The following BAHCC1 variants were observed in gnomAD, a reference collection of about 807,000 sequenced individuals.
BAHCC1 encodes the protein BAH and coiled-coil domain-containing protein 1.
Under a neutral mutation model 88.2 loss-of-function variants are expected in BAHCC1, and 43 were observed. The observed-to-expected ratio is 0.49, with a 90% CI of 0.38 to 0.63. The LOEUF is 0.63. Ranked by LOEUF, BAHCC1 falls within the 20% of genes least tolerant of loss-of-function variation. BAHCC1 has a pLI of 0.00. For synonymous variants in BAHCC1, 1,510 were observed against 745.5 expected (o/e 2.03, Z -16.71); for missense variants, 3,023 against 1,654.8 (o/e 1.83, Z -14.34).
intron 27 of BAHCC1, among the ~76,000 whole-genome samples, chr17:81,463,330 A>C (rs965814078): frequency 6.6e-6 from 1 of 152,188 alleles, no homozygotes. Context: ...CTCTGAGAAG[A>C]AGCCATTTTC....
intron 14 of BAHCC1, among the ~76,000 whole-genome samples, chr17:81,454,144 G>T (rs2064699847): frequency 6.6e-6 from 1 of 152,236 alleles, no homozygotes; most frequent in South Asian, 2.1e-4. Flanking sequence ...CCAAGAACAG[G>T]CAGAGAGACT....
In BAHCC1 at chr17:81,447,224, G is replaced by A. The variant is rs782388770; in HGVS notation, c.3352G>A (p.Gly1118Arg). 3.1e-5 allele frequency: 23 copies of A among 738,252 alleles called. No individual in the cohort carries two copies. Among genetic ancestry groups the A allele is most frequent in the South Asian group, 2.5e-4 (17 of 67,864 alleles). The allele number at this position is 738,252 out of a possible 1,614,324, so 45.7% of individuals were successfully genotyped here. A position where few individuals can be genotyped will look rare whatever the true frequency, so the allele number is the denominator to read the frequency against. Residue 1118 changes from glycine (G) to arginine (R), a missense_variant, in exon 11 of 28, where the codon GGG becomes AGG. Gly to Arg is a moderately radical substitution (Grantham distance 125, BLOSUM62 -2). Coordinates refer to ENST00000675386, the MANE Select transcript of BAHCC1 (RefSeq NM_001377448.1). Reference sequence around the variant, plus strand: ...CAGCCCCAGGAGCCTGGAGGAGCCCGGGCTGCTCTCAGGGGCCAGGGAGGC... The same window carrying A: ...CAGCCCCAGGAGCCTGGAGGAGCCCAGGCTGCTCTCAGGGGCCAGGGAGGC... ...PCSPRSLEEPGLLSGAREATQ... is the reference protein window; with the variant it reads ...PCSPRSLEEPRLLSGAREATQ...
At position 81,433,188 on chromosome 17, in the gene BAHCC1, G is replaced by T. The variant is rs568397983; in HGVS notation, c.359-5182G>T. On this transcript the variant is annotated intron_variant, in intron 3 of 27. Transcript: ENST00000675386. ...GGGGCCCCAAGGATTGGGCACTCCAGCTCCAAGAACGAATCTCTTGCTGTG... is the reference window on the plus strand; with the variant it reads ...GGGGCCCCAAGGATTGGGCACTCCATCTCCAAGAACGAATCTCTTGCTGTG... 4.7e-4 allele frequency among the ~76,000 whole-genome samples: 71 copies of T among 152,000 alleles called. No homozygotes were observed. In the Middle Eastern group the frequency reaches 0.01, roughly 22 times the overall value.
rs1185862004 is a variant in BAHCC1 at position 81,463,877 on chromosome 17, C to T, written c.*60C>T. The T allele has an allele frequency of 7.2e-6, 5 of 691,550 alleles. No individual in the cohort carries two copies. Among genetic ancestry groups the T allele is most frequent in the African/African-American group, 5.3e-5 (3 of 56,914 alleles). The allele number at this position is 691,550 out of a possible 1,614,324, so 42.8% of individuals were successfully genotyped here. A position where few individuals can be genotyped will look rare whatever the true frequency, so the allele number is the denominator to read the frequency against. On this transcript the variant is annotated 3_prime_UTR_variant, in exon 28 of 28. Coordinates refer to ENST00000675386, the MANE Select transcript of BAHCC1 (RefSeq NM_001377448.1). Reference sequence around the variant, plus strand: ...GGACCCTGTGTGCGGAGCCTGGCGTCGGCCAAGCCACCGGGCAGGAGGCAG... The same window carrying T: ...GGACCCTGTGTGCGGAGCCTGGCGTTGGCCAAGCCACCGGGCAGGAGGCAG...
intron 1 of BAHCC1, among the ~76,000 whole-genome samples, chr17:81,398,906 T>G (rs2063774014): frequency 2.8e-5 from 4 of 141,484 alleles, no homozygotes; most frequent in Non-Finnish European, 3.1e-5. Flanking sequence ...ATGAGGGGGA[T>G]GGGAGTGGGG....
rs781964927 is a variant in BAHCC1, at chr17:81,443,418, A to T, written c.2069A>T (p.Asp690Val). Residue 690 changes from aspartate to valine, a missense_variant, in exon 5 of 28, where the codon GAC becomes GTC. Physicochemically the swap from Asp to Val is radical, Grantham distance 152 (BLOSUM62 -3). Transcript: ENST00000675386. Reference protein sequence around the residue: ...RPDCARSREHDTTHGDGEVRQ... With the variant: ...RPDCARSREHVTTHGDGEVRQ... ...GACTGTGCCCGCAGCAGGGAGCACG[A>T]CACCACGCACGGCGACGGGGAGGTG... is the stretch of plus-strand genomic sequence containing the variant. The T allele has an allele frequency of 1.3e-6, 1 of 767,184 alleles. No homozygotes were observed. The highest frequency in any genetic ancestry group is 2.4e-6 in the Non-Finnish European group (1 of 412,228). The allele number at this position is 767,184 out of a possible 1,614,324, so 47.5% of individuals were successfully genotyped here.
intron 11 of BAHCC1, among the ~76,000 whole-genome samples, chr17:81,449,192 A>G (rs895259958): frequency 3.3e-5 from 5 of 152,258 alleles, no homozygotes; most frequent in African/African-American, 7.2e-5. Flanking sequence ...CACTCCGGCC[A>G]GGCCAGGTGT....
intron 1 of BAHCC1, among the ~76,000 whole-genome samples, chr17:81,397,817 A>T (rs953607469): frequency 6.6e-6 from 1 of 152,224 alleles, no homozygotes; most frequent in African/African-American, 2.4e-5. Context: ...ACGCCTTTGT[A>T]TGTAGTTGCC....
chr17:81,418,810 C>CGTGTGTGTGT (rs70938163), intron 2 of BAHCC1, among the ~76,000 whole-genome samples: 4,517 of 146,326 alleles, frequency 0.031, 130 homozygotes, highest in African/African-American at 0.078. Flanking sequence ...TGTGTGTGTA[C>CGTGTGTGTGT]GTGTGTGTGT....
In BAHCC1 at chr17:81,452,042, G is replaced by A. The variant is rs1197830140; in HGVS notation, c.4251G>A (p.Glu1417=). Residue 1417 remains glutamate (E), a synonymous_variant, in exon 13 of 28, where the codon GAG becomes GAA. Transcript: ENST00000675386. ...TGGGGATGCGCGTGCGGCTGGCGGAGCTGCAGCGGCGCTACAAGGAGAAGC... is the reference window on the plus strand; with the variant it reads ...TGGGGATGCGCGTGCGGCTGGCGGAACTGCAGCGGCGCTACAAGGAGAAGC... ...QEVGMRVRLA[E]LQRRYKEKQR... 4 of 627,644 alleles carry A rather than the reference G, an allele frequency of 6.4e-6. No individual in the cohort carries two copies. Among genetic ancestry groups the A allele is most frequent in the Non-Finnish European group, 1.1e-5 (4 of 356,404 alleles). The allele number at this position is 627,644 out of a possible 1,614,324, so 38.9% of individuals were successfully genotyped here. A position where few individuals can be genotyped will look rare whatever the true frequency, so the allele number is the denominator to read the frequency against.
chr17:81,427,021 A>G (rs2064208376), intron 3 of BAHCC1, 42 bp downstream of exon 3: 2 of 398,216 alleles, frequency 5.0e-6, no homozygotes, highest in Admixed American at 4.4e-5. Context: ...CCTGGTGGCC[A>G]AGAGACTGAC....
intron 2 of BAHCC1, among the ~76,000 whole-genome samples, chr17:81,415,861 C>A (rs149265022): frequency 6.6e-6 from 1 of 152,240 alleles, no homozygotes; most frequent in African/African-American, 2.4e-5. Context: ...CTGCAACTAC[C>A]CACAGAACCA....
intron 2 of BAHCC1, among the ~76,000 whole-genome samples, chr17:81,417,559 C>CCG (rs1568002300): frequency 1.0e-5 from 1 of 98,608 alleles, no homozygotes; most frequent in African/African-American, 3.6e-5. Flanking sequence ...TCGGCCACCC[C>CCG]CCCCCCGCCC....
chr17:81,423,950 G>A (rs563310204), intron 2 of BAHCC1, among the ~76,000 whole-genome samples: 9 of 152,308 alleles, frequency 5.9e-5, no homozygotes, highest in South Asian at 2.1e-4. Context: ...GTATCCTGGC[G>A]GTGCCCAGGA....
intron 1 of BAHCC1, among the ~76,000 whole-genome samples, chr17:81,397,297 G>C (rs1415873156): frequency 6.6e-6 from 1 of 152,122 alleles, no homozygotes; most frequent in East Asian, 1.9e-4. Flanking sequence ...CCGCCCGCAG[G>C]GGGTGGGAGA....
rs782627231 is a variant in BAHCC1, at chr17:81,447,821, C to T, written c.3949C>T (p.Arg1317Trp). Reference protein sequence around the residue: ...LSELADLAIQRQRSERTVPEE... With the variant: ...LSELADLAIQWQRSERTVPEE... Reference sequence around the variant, plus strand: ...CGAGCTGGCTGACCTGGCAATCCAGCGGCAGAGGAGTGAGAGGACTGTGCC... The same window carrying T: ...CGAGCTGGCTGACCTGGCAATCCAGTGGCAGAGGAGTGAGAGGACTGTGCC... Residue 1317 changes from arginine to tryptophan, a missense_variant, in exon 11 of 28, where the codon CGG becomes TGG. Transcript: ENST00000675386. The T allele has an allele frequency of 3.1e-5, 23 of 746,634 alleles. 1 individual carries two copies. The highest frequency in any genetic ancestry group is 5.7e-5 in the South Asian group (4 of 70,060). 46.3% of individuals were successfully genotyped at this position (746,634 alleles called of 1,614,324 possible). A position where few individuals can be genotyped will look rare whatever the true frequency, so the allele number is the denominator to read the frequency against.
rs368729080 is a variant in BAHCC1 at position 81,443,032 on chromosome 17, G to A, written c.1683G>A (p.Gly561=). The A allele has an allele frequency of 3.2e-5, 25 of 778,340 alleles. No homozygotes were observed. The highest frequency in any genetic ancestry group is 1.5e-4 in the African/African-American group (9 of 59,278). 48.2% of individuals were successfully genotyped at this position (778,340 alleles called of 1,614,324 possible). A position where few individuals can be genotyped will look rare whatever the true frequency, so the allele number is the denominator to read the frequency against. ...MAAEVEQGGI[G]AEAKRKSLEL... ...CCGAGGTGGAGCAGGGGGGCATTGG[G>A]GCTGAGGCCAAGCGCAAGTCCCTGG... Residue 561 remains glycine, a synonymous_variant, in exon 5 of 28, where the codon GGG becomes GGA. Transcript: ENST00000675386.
Position 81,445,433 on chromosome 17 carries a change from C to T in BAHCC1, c.2915C>T (p.Ala972Val). The change falls in exon 10 of 28, where the codon GCC becomes GTC. Residue 972 changes from alanine (A) to valine (V), a missense_variant. Coordinates refer to ENST00000675386, the MANE Select transcript of BAHCC1 (RefSeq NM_001377448.1). ...CCAAAGTCCACCCACAAGCCAGTTG[C>T]CTTAACCCCCACGGCCCCGGGCGCC... ...KAPKSTHKPV[A>V]LTPTAPGAPS... 3 of 774,212 alleles carry T rather than the reference C, an allele frequency of 3.9e-6. No individual in the cohort carries two copies. Among genetic ancestry groups the T allele is most frequent in the African/African-American group, 3.4e-5 (2 of 59,102 alleles). 48.0% of individuals were successfully genotyped at this position (774,212 alleles called of 1,614,324 possible). A position where few individuals can be genotyped will look rare whatever the true frequency, so the allele number is the denominator to read the frequency against.
At position 81,462,775 on chromosome 17, in the gene BAHCC1, C is replaced by A. The variant is rs781847047; in HGVS notation, c.7419C>A (p.Phe2473Leu). 1.3e-6 allele frequency: 1 copy of A among 777,200 alleles called. No individual in the cohort carries two copies. The highest frequency in any genetic ancestry group is 1.3e-5 in the South Asian group (1 of 74,268). 48.1% of individuals were successfully genotyped at this position (777,200 alleles called of 1,614,324 possible). A position where few individuals can be genotyped will look rare whatever the true frequency, so the allele number is the denominator to read the frequency against. Residue 2473 changes from phenylalanine to leucine, a missense_variant, in exon 27 of 28, where the codon TTC becomes TTA. Transcript: ENST00000675386. ...RGMKGKARKL[F>L]YKAIVRGEET... ...TGAAGGGGAAGGCCCGGAAGCTGTT[C>A]TACAAGGCCATCGTGCGGGGCGAGG...
Sources: gnomAD v4.1 joint callset for allele counts (sites outside exome capture counted in the v4.1 genomes callset) on GRCh38, gnomAD v4.1.1 for gene constraint, MANE v1.5 for transcripts, NCBI Gene and HGNC (gene_info 2026-07-23, HGNC 2026-07-21) for gene names.